Variants in SCEL observed in about 807,000 individuals in gnomAD.
SCEL encodes the protein sciellin.
A neutral mutation model predicts 117.6 loss-of-function variants in SCEL; 113 were observed. The ratio of observed to expected loss-of-function variants is 0.96; its 90% CI spans 0.83 to 1.12. SCEL has a LOEUF of 1.12. SCEL is among the 50% of genes most tolerant of loss of function. SCEL has a pLI of 0.00. For missense variants in SCEL, 785 were observed against 810.8 expected, an observed-to-expected ratio of 0.97 and a Z score of 0.39; for synonymous variants, 270 against 256.2, an observed-to-expected ratio of 1.05 and a Z score of -0.51.
At chr13:77,575,117 C>A (rs1254074161) in intron 9 of SCEL, among the ~76,000 whole-genome samples, 1 of 152,150 alleles carries the variant, frequency 6.6e-6, no homozygotes, top group Non-Finnish European at 1.5e-5. Flanking sequence ...CATGGGTTAT[C>A]CCATCTCTCA....
Position 77,556,661 on chromosome 13 carries a change from A to G in SCEL, c.109A>G (p.Arg37Gly), listed in dbSNP as rs370435366. 5 of 1,614,030 alleles carry G rather than the reference A, an allele frequency of 3.1e-6. No individual in the cohort carries two copies. In the African/African-American group the frequency reaches 6.7e-5, roughly 22 times the overall value. ...QQDFHEVNKRRTFLQDNSWIK... is the reference protein window; with the variant it reads ...QQDFHEVNKRGTFLQDNSWIK... ...GGATTTTCACGAGGTGAACAAAAGA[A>G]GAACTTTCTTACAGGATAACAGTTG... Residue 37 changes from arginine to glycine, a missense_variant, in exon 3 of 33, where the codon AGA (arginine) becomes GGA (glycine). Coordinates refer to ENST00000349847, the MANE Select transcript of SCEL (RefSeq NM_144777.3).
intron 1 of SCEL, among the ~76,000 whole-genome samples, chr13:77,555,402 T>C (rs765702188): frequency 7.2e-5 from 11 of 152,320 alleles, no homozygotes; most frequent in South Asian, 2.1e-4. Flanking sequence ...TTTGGCTTTT[T>C]TCAGGAAGCA....
At chr13:77,556,761 C>G in intron 3 of SCEL, 48 bp downstream of exon 3, 1 of 1,272,844 alleles carries the variant, frequency 7.9e-7, no homozygotes, top group Non-Finnish European at 1.1e-6. Context: ...CAGAGAGAGG[C>G]ATTATCTGTT....
At chr13:77,564,003 C>A in intron 5 of SCEL, 104 bp downstream of exon 5, 1 of 737,856 alleles carries the variant, frequency 1.4e-6, no homozygotes, top group Non-Finnish European at 2.1e-6. Flanking sequence ...AGGTTTGAAT[C>A]ACTGATATTT....
chr13:77,642,981 A>G (rs1050486779), intron 32 of SCEL, among the ~76,000 whole-genome samples, 173 bp downstream of exon 32: 1 of 152,122 alleles, frequency 6.6e-6, no homozygotes, highest in African/African-American at 2.4e-5. Context: ...TGTAAAATCA[A>G]TCAACTTTTG....
intron 29 of SCEL, among the ~76,000 whole-genome samples, chr13:77,635,627 C>G (rs2090241055): frequency 6.6e-6 from 1 of 152,132 alleles, no homozygotes; most frequent in Admixed American, 6.5e-5. Context: ...TTCTGCTAAA[C>G]ATCGTACTCG....
At chr13:77,566,096 T>C (rs2085272480) in intron 5 of SCEL, among the ~76,000 whole-genome samples, 1 of 152,204 alleles carries the variant, frequency 6.6e-6, no homozygotes, top group Non-Finnish European at 1.5e-5. Context: ...TTACCATTGA[T>C]AGACTTATTC....
chr13:77,589,817 T>C (rs1256954345), intron 10 of SCEL, among the ~76,000 whole-genome samples: 2 of 152,168 alleles, frequency 1.3e-5, no homozygotes, highest in African/African-American at 4.8e-5. Context: ...TCAGGAAAAA[T>C]AGACTTGCTT....
At chr13:77,618,192 T>G (rs745567688) in intron 27 of SCEL, 132 bp downstream of exon 27, 7 of 711,158 alleles carry the variant, frequency 9.8e-6, no homozygotes, top group African/African-American at 1.8e-5. Context: ...TTTCTTTCTT[T>G]CCTTCCTTCC....
chr13:77,559,309 A>G (rs1324702508), intron 3 of SCEL, among the ~76,000 whole-genome samples: 2 of 152,212 alleles, frequency 1.3e-5, no homozygotes, highest in Non-Finnish European at 2.9e-5. Flanking sequence ...TGAATTATAA[A>G]TCTCCTTAAC....
At chr13:77,594,010 TCTCC>T (rs2087072187) in intron 12 of SCEL, among the ~76,000 whole-genome samples, 1 of 19,422 alleles carries the variant, frequency 5.1e-5, no homozygotes, top group Non-Finnish European at 1.0e-4. Flanking sequence ...GATTCTTCCT[TCTCC>T]TTCCCCTTCC....
intron 27 of SCEL, among the ~76,000 whole-genome samples, chr13:77,621,872 T>C (rs188534076): frequency 1.2e-4 from 18 of 152,320 alleles, no homozygotes; most frequent in Admixed American, 2.0e-4. Context: ...CAATAAACTA[T>C]AGTGAATGGG....
At chr13:77,642,403 A>G (rs2090599839) in intron 31 of SCEL, among the ~76,000 whole-genome samples, 1 of 152,196 alleles carries the variant, frequency 6.6e-6, no homozygotes, top group Admixed American at 6.5e-5. Flanking sequence ...CAGTCAGATA[A>G]GCAGTTTATT....
intron 2 of SCEL, 61 bp downstream of exon 2, chr13:77,555,979 A>G (rs2084634555): frequency 2.4e-6 from 3 of 1,255,832 alleles, no homozygotes; most frequent in East Asian, 2.3e-5. Context: ...AACAACTCAC[A>G]GATCTCAATT....
intron 12 of SCEL, among the ~76,000 whole-genome samples, chr13:77,594,789 T>C (rs559563398): frequency 5.3e-4 from 80 of 152,326 alleles, no homozygotes; most frequent in Middle Eastern, 3.4e-3. Flanking sequence ...TATTCCTTGT[T>C]TAATAGATTT....
intron 32 of SCEL, among the ~76,000 whole-genome samples, 178 bp downstream of exon 32, chr13:77,642,986 C>T (rs2090631967): frequency 6.6e-6 from 1 of 152,094 alleles, no homozygotes; most frequent in Admixed American, 6.6e-5. Context: ...AATCAATCAA[C>T]TTTTGTATTG....
At chr13:77,598,690 C>T (rs2087421474) in intron 13 of SCEL, among the ~76,000 whole-genome samples, 3 of 151,946 alleles carry the variant, frequency 2.0e-5, no homozygotes, top group Admixed American at 2.0e-4. Context: ...TTTGTTTGTT[C>T]ATTCGTTTTA....
chr13:77,639,252 A>G (rs568996751), intron 30 of SCEL, among the ~76,000 whole-genome samples: 1 of 152,284 alleles, frequency 6.6e-6, no homozygotes, highest in Admixed American at 6.5e-5. Flanking sequence ...GTATGCATAC[A>G]TATGTGTGTG....
intron 9 of SCEL, among the ~76,000 whole-genome samples, chr13:77,573,940 A>G (rs1307798226): frequency 6.6e-6 from 1 of 152,218 alleles, no homozygotes; most frequent in Non-Finnish European, 1.5e-5. Context: ...CTTTGATATA[A>G]GGAGCTATCT....
Sources: allele counts gnomAD v4.1 joint callset (sites outside exome capture counted in the v4.1 genomes callset), GRCh38; gene constraint gnomAD v4.1.1; transcripts MANE v1.5; gene names NCBI Gene and HGNC (gene_info 2026-07-23, HGNC 2026-07-21).